TLR6: variants seen among roughly 807,000 people sequenced by gnomAD.
TLR6 encodes toll like receptor 6.
TLR6 carries 9 observed loss-of-function variants against 16.1 expected under a neutral mutation model. That is an observed-to-expected ratio of 0.56 (90% confidence interval 0.34 to 0.98). TLR6 has a LOEUF of 0.98. Ranked by LOEUF, TLR6 falls within the 50% of genes least tolerant of loss-of-function variation. The pLI is 0.02. For missense variants in TLR6, 786 were observed against 921.0 expected (o/e 0.85, Z 1.90); for synonymous variants, 340 against 338.6 (o/e 1.00, Z -0.04).
At chr4:38,830,235 T>C (rs1727759840) in intron 1 of TLR6, among the ~76,000 whole-genome samples, 1 of 152,266 alleles carries the variant, frequency 6.6e-6, no homozygotes, top group Admixed American at 6.5e-5. Context: ...GTTTTTGCTT[T>C]TGCTAGTTTA....
chr4:38,856,209 T>C (rs1378662270), intron 1 of TLR6, among the ~76,000 whole-genome samples: 1 of 152,200 alleles, frequency 6.6e-6, no homozygotes, highest in Non-Finnish European at 1.5e-5. Context: ...AGAGTCTATT[T>C]TTCTGCCAGT....
chr4:38,865,953 C>A, the TLR6 span, among the ~76,000 whole-genome samples: 37,632 of 148,424 alleles, frequency 0.25, 5,060 homozygotes, highest in Non-Finnish European at 0.29. Flanking sequence ...AGCCTTGCCA[C>A]CATGGCAAAA....
intron 1 of TLR6, among the ~76,000 whole-genome samples, chr4:38,830,142 C>A (rs554120111): frequency 6.6e-6 from 1 of 152,306 alleles, no homozygotes; most frequent in East Asian, 1.9e-4. Context: ...AAAGTGAAGG[C>A]TAAAGCAGAG....
At chr4:38,860,294 A>T (rs974858165), upstream of TLR6, among the ~76,000 whole-genome samples, 1 of 152,116 alleles carries the variant, frequency 6.6e-6, no homozygotes, top group African/African-American at 2.4e-5. Flanking sequence ...CAACATGGTG[A>T]AACCCTGTCT....
chr4:38,850,052 A>G (rs113891291), intron 1 of TLR6, among the ~76,000 whole-genome samples: 4,745 of 152,312 alleles, frequency 0.031, 218 homozygotes, highest in African/African-American at 0.087. Context: ...GTGCAATCAA[A>G]CTAGAACTCA....
At chr4:38,852,925 T>G (rs1579261108) in intron 1 of TLR6, among the ~76,000 whole-genome samples, 2 of 152,156 alleles carry the variant, frequency 1.3e-5, no homozygotes. Context: ...TAAAGATACA[T>G]GCACACACAT....
At chr4:38,855,611 G>T (rs1438087230) in intron 1 of TLR6, among the ~76,000 whole-genome samples, 2 of 152,140 alleles carry the variant, frequency 1.3e-5, no homozygotes, top group Non-Finnish European at 2.9e-5. Context: ...CAGGTCCCCG[G>T]CAACCAGACC....
chr4:38,863,682 T>C, the TLR6 span, among the ~76,000 whole-genome samples: 1 of 152,192 alleles, frequency 6.6e-6, no homozygotes, highest in African/African-American at 2.4e-5. Flanking sequence ...GATTTTTCTT[T>C]GAAATATGTC....
the TLR6 span, among the ~76,000 whole-genome samples, chr4:38,865,505 GGGCTGTTAC>G: frequency 6.6e-6 from 1 of 152,166 alleles, no homozygotes; most frequent in Non-Finnish European, 1.5e-5. Flanking sequence ...ACATCTGATT[GGGCTGTTAC>G]GGCACAGCAG....
upstream of TLR6, among the ~76,000 whole-genome samples, chr4:38,858,746 AGAGAGAGAGAGGGAGAG>A (rs1713090468): frequency 1.0e-5 from 1 of 97,652 alleles, no homozygotes; most frequent in Non-Finnish European, 1.9e-5. Flanking sequence ...AAAGAAAGAG[AGAGAGAGAGAGGGAGAG>A]AGAGAGAGAG....
exon 2 of TLR6, chr4:38,828,488 G>T (rs773457756): frequency 6.2e-7 from 1 of 1,614,160 alleles, no homozygotes; most frequent in South Asian, 1.1e-5. Flanking sequence ...GTTCATCTCA[G>T]AAAACACGGT....
At chr4:38,859,650 G>A (rs573485600), upstream of TLR6, among the ~76,000 whole-genome samples, 2 of 144,576 alleles carry the variant, frequency 1.4e-5, no homozygotes, top group Non-Finnish European at 3.0e-5. Flanking sequence ...CTGCAGCCTT[G>A]ACTTTCCCCA....
intron 1 of TLR6, among the ~76,000 whole-genome samples, chr4:38,853,390 A>G (rs928820512): frequency 6.6e-6 from 1 of 152,148 alleles, no homozygotes; most frequent in African/African-American, 2.4e-5. Flanking sequence ...AATAAAAAAA[A>G]AAGAATGCAC....
chr4:38,829,653 C>G, intron 1 of TLR6, 116 bp from the exon 2 acceptor site: 2 of 546,582 alleles, frequency 3.7e-6, no homozygotes, highest in Non-Finnish European at 6.4e-6. Flanking sequence ...TCATTTCTGT[C>G]CCCATAATTT....
chr4:38,868,064 T>G, the TLR6 span: 1 of 412,390 alleles, frequency 2.4e-6, no homozygotes, highest in South Asian at 1.7e-5. Flanking sequence ...TGTGAGTGTG[T>G]GTGTGTGAGT....
intron 1 of TLR6, among the ~76,000 whole-genome samples, chr4:38,846,088 C>CAAAAAAA (rs10713614): frequency 1.0e-5 from 1 of 97,050 alleles, no homozygotes; most frequent in South Asian, 3.7e-4. Flanking sequence ...CGAGACATCT[C>CAAAAAAA]AAAAAAAAAA....
At chr4:38,833,262 A>G (rs1711718194) in intron 1 of TLR6, among the ~76,000 whole-genome samples, 1 of 152,112 alleles carries the variant, frequency 6.6e-6, no homozygotes, top group Non-Finnish European at 1.5e-5. Flanking sequence ...ACCCATCACC[A>G]CGAGTGCCCA....
chr4:38,835,697 T>G (rs113443092), intron 1 of TLR6, among the ~76,000 whole-genome samples: 14 of 152,328 alleles, frequency 9.2e-5, no homozygotes, highest in African/African-American at 3.1e-4. Flanking sequence ...TGGAACATTG[T>G]TCAGAATAGA....
At chr4:38,856,164 C>T (rs1712978373) in intron 1 of TLR6, among the ~76,000 whole-genome samples, 1 of 152,172 alleles carries the variant, frequency 6.6e-6, no homozygotes, top group African/African-American at 2.4e-5. Context: ...GGGGCTTGGT[C>T]CCGGCCACTT....
Sources: allele counts gnomAD v4.1 joint callset (sites outside exome capture counted in the v4.1 genomes callset), GRCh38; gene constraint gnomAD v4.1.1; transcripts MANE v1.5; gene names NCBI Gene and HGNC (gene_info 2026-07-23, HGNC 2026-07-21).